SPTLC2: variants seen among roughly 807,000 people sequenced by gnomAD.
SPTLC2 encodes the protein serine palmitoyltransferase long chain base subunit 2.
A neutral mutation model predicts 62.0 loss-of-function variants in SPTLC2; 21 were observed. That is an observed-to-expected ratio of 0.34 (90% CI 0.24 to 0.49). The LOEUF is 0.49. Ranked by LOEUF, SPTLC2 falls within the 20% of genes least tolerant of loss-of-function variation. The pLI is 0.99. For synonymous variants in SPTLC2, 261 were observed against 261.8 expected (o/e 1.00, Z 0.03); for missense variants, 511 against 713.0 (o/e 0.72, Z 3.23).
intron 1 of SPTLC2, among the ~76,000 whole-genome samples, chr14:77,614,871 TG>T (rs201119175): frequency 0.041 from 6,117 of 149,588 alleles, 161 homozygotes; most frequent in Middle Eastern, 0.062. Flanking sequence ...CTCGGGAGGC[TG>T]GGGCAGGAGA....
chr14:77,568,074 T>A (rs1044966254), intron 5 of SPTLC2, among the ~76,000 whole-genome samples: 2 of 152,230 alleles, frequency 1.3e-5, no homozygotes, highest in African/African-American at 4.8e-5. Flanking sequence ...GGATTAGGAA[T>A]GCTCAACCTG....
chr14:77,535,914 T>C, intron 9 of SPTLC2: 2 of 452,534 alleles, frequency 4.4e-6, no homozygotes, highest in Non-Finnish European at 8.9e-6. Context: ...GCATGATCCA[T>C]AGGCACTGGT....
At chr14:77,519,514 G>A (rs1286184305) in intron 10 of SPTLC2, among the ~76,000 whole-genome samples, 1 of 151,824 alleles carries the variant, frequency 6.6e-6, no homozygotes, top group African/African-American at 2.4e-5. Context: ...GTCAGGAGTT[G>A]GAGACCAGCC....
At chr14:77,596,759 A>C (rs1032051172) in intron 2 of SPTLC2, among the ~76,000 whole-genome samples, 3 of 152,208 alleles carry the variant, frequency 2.0e-5, no homozygotes, top group Non-Finnish European at 1.5e-5. Flanking sequence ...GAGAAAACAC[A>C]TTATTAATTC....
intron 4 of SPTLC2, among the ~76,000 whole-genome samples, chr14:77,573,753 G>C (rs1237334738): frequency 6.6e-6 from 1 of 151,984 alleles, no homozygotes; most frequent in East Asian, 1.9e-4. Context: ...TCAGCCTCCC[G>C]AGTGGCTGGG....
chr14:77,539,273 GAT>G (rs2079486543), intron 9 of SPTLC2, among the ~76,000 whole-genome samples: 1 of 151,778 alleles, frequency 6.6e-6, no homozygotes, highest in Non-Finnish European at 1.5e-5. Flanking sequence ...CTTCTAGGGA[GAT>G]ATTAAAGACC....
Position 77,608,373 on chromosome 14 carries a change from T to C in SPTLC2, c.132+8075A>G, listed in dbSNP as rs897489809. On this transcript the variant is annotated intron_variant, in intron 1 of 11. Coordinates refer to ENST00000216484, the MANE Select transcript of SPTLC2 (RefSeq NM_004863.4). Reference sequence around the variant, plus strand: ...AGTTTTTGTCAACCAGCAGAGTATGTATGAAATATGACACAGTAATTATCA... The same window carrying C: ...AGTTTTTGTCAACCAGCAGAGTATGCATGAAATATGACACAGTAATTATCA... 3.9e-5 allele frequency among the ~76,000 whole-genome samples: 6 copies of C among 152,204 alleles called. No individual in the cohort carries two copies. In the South Asian group the frequency reaches 1.0e-3, roughly 26 times the overall value.
intron 1 of SPTLC2, among the ~76,000 whole-genome samples, chr14:77,611,069 G>A (rs1388114462): frequency 4.1e-5 from 6 of 147,862 alleles, no homozygotes; most frequent in South Asian, 4.3e-4. Context: ...TGAGGCAGGC[G>A]GATTACAAGG....
At chr14:77,552,351 TA>T (rs2079560051) in intron 8 of SPTLC2, 129 bp from the exon 9 acceptor site, 1 of 1,139,358 alleles carries the variant, frequency 8.8e-7, no homozygotes, top group Admixed American at 2.0e-5. Flanking sequence ...TAATCTGAGA[TA>T]CAAGGTCAAC....
intron 6 of SPTLC2, among the ~76,000 whole-genome samples, chr14:77,557,727 T>C (rs1315623176): frequency 6.6e-6 from 1 of 152,218 alleles, no homozygotes; most frequent in Non-Finnish European, 1.5e-5. Flanking sequence ...TATAAGTCTG[T>C]GTGTTAAGCA....
chr14:77,569,694 C>T (rs549185499), intron 5 of SPTLC2, among the ~76,000 whole-genome samples: 1 of 149,464 alleles, frequency 6.7e-6, no homozygotes, highest in African/African-American at 2.5e-5. Context: ...TACCAATCTG[C>T]TGAAATATAA....
At chr14:77,561,920 C>T (rs1019232940) in intron 6 of SPTLC2, among the ~76,000 whole-genome samples, 4 of 152,194 alleles carry the variant, frequency 2.6e-5, no homozygotes, top group African/African-American at 9.6e-5. Context: ...TTTAATAATA[C>T]ACAAAGATAT....
At chr14:77,549,227 C>CAAA (rs35256374) in intron 9 of SPTLC2, among the ~76,000 whole-genome samples, 3,856 of 142,736 alleles carry the variant, frequency 0.027, 78 homozygotes, top group Non-Finnish European at 0.039. Context: ...GACTGCATCT[C>CAAA]AAAAAAAAAA....
intron 10 of SPTLC2, among the ~76,000 whole-genome samples, chr14:77,519,747 C>A (rs1219315376): frequency 6.6e-6 from 1 of 152,180 alleles, no homozygotes; most frequent in Non-Finnish European, 1.5e-5. Flanking sequence ...CTTTTCACAG[C>A]CTTTTCCCAC....
chr14:77,518,596 C>CAAAAA (rs11400711), intron 10 of SPTLC2, among the ~76,000 whole-genome samples: 24,315 of 142,496 alleles, frequency 0.17, 2,319 homozygotes, highest in African/African-American at 0.23. Flanking sequence ...GGCTCTGTCT[C>CAAAAA]AAAAAAAAAA....
chr14:77,552,157 A>G lies in SPTLC2; in HGVS notation c.1242T>C (p.Pro414=), dbSNP rs1015386412. Residue 414 remains proline, a synonymous_variant, in exon 9 of 12, where the codon CCT becomes CCC. Coordinates refer to ENST00000216484, the MANE Select transcript of SPTLC2 (RefSeq NM_004863.4). The part of the protein sequence containing the change: ...SAVYATSLSP[P]VVEQIITSMK... ...TGGAGGTGATGATCTGCTCCACTAC[A>G]GGAGGTGACAATGACGTGGCATACA... 4.3e-6 allele frequency: 7 copies of G among 1,614,196 alleles called. No homozygotes were observed. The highest frequency in any genetic ancestry group is 1.6e-4 in the Middle Eastern group (1 of 6,062).
intron 5 of SPTLC2, among the ~76,000 whole-genome samples, chr14:77,569,464 T>A (rs2140032974): frequency 6.6e-6 from 1 of 152,230 alleles, no homozygotes; most frequent in East Asian, 1.9e-4. Flanking sequence ...TTAGAGTTAA[T>A]CTAGCTCAAC....
intron 2 of SPTLC2, among the ~76,000 whole-genome samples, chr14:77,587,029 T>C (rs1595006620): frequency 6.6e-6 from 1 of 151,912 alleles, no homozygotes; most frequent in Admixed American, 6.6e-5. Context: ...ATCAAGACCA[T>C]CCTGGCTAAC....
chr14:77,572,280 C>T (rs11624959), intron 4 of SPTLC2, among the ~76,000 whole-genome samples: 7,661 of 152,224 alleles, frequency 0.05, 271 homozygotes, highest in Non-Finnish European at 0.078. Context: ...TGAAAATCAT[C>T]ACAAAACAAC....
Sources: gnomAD v4.1 joint callset for allele counts (sites outside exome capture counted in the v4.1 genomes callset) on GRCh38, gnomAD v4.1.1 for gene constraint, MANE v1.5 for transcripts, NCBI Gene and HGNC (gene_info 2026-07-23, HGNC 2026-07-21) for gene names.